Variants in RIMS1 observed in about 807,000 individuals in gnomAD.
The protein encoded by RIMS1 is regulating synaptic membrane exocytosis protein 1.
A neutral mutation model predicts 214.1 loss-of-function variants in RIMS1; 83 were observed. The ratio of observed to expected loss-of-function variants is 0.39; its 90% confidence interval spans 0.32 to 0.47. The LOEUF is 0.47. Ranked by LOEUF, RIMS1 falls within the 20% of genes least tolerant of loss-of-function variation. RIMS1 has a pLI of 0.99. For synonymous variants in RIMS1, 793 were observed against 786.8 expected (o/e 1.01, Z -0.13); for missense variants, 2,050 against 2,161.8 (o/e 0.95, Z 1.03).
intron 1 of RIMS1, among the ~76,000 whole-genome samples, chr6:71,965,195 A>G (rs1006029659): frequency 6.6e-6 from 1 of 152,146 alleles, no homozygotes; most frequent in East Asian, 1.9e-4. Flanking sequence ...CCTATAGTCT[A>G]CTATTTGGCC....
At chr6:71,891,628 A>G (rs1769912047) in intron 1 of RIMS1, among the ~76,000 whole-genome samples, 1 of 152,230 alleles carries the variant, frequency 6.6e-6, no homozygotes, top group Admixed American at 6.5e-5. Flanking sequence ...GGATGAGGAT[A>G]GCGTTCCTAT....
chr6:72,083,069 A>G (rs1018693071), intron 2 of RIMS1, among the ~76,000 whole-genome samples: 2 of 152,174 alleles, frequency 1.3e-5, no homozygotes, highest in Admixed American at 1.3e-4. Flanking sequence ...ATAGTTTTTC[A>G]CCTAAAAGAA....
chr6:72,264,431 G>A (rs746532011), intron 19 of RIMS1, among the ~76,000 whole-genome samples: 35 of 152,096 alleles, frequency 2.3e-4, no homozygotes, highest in Non-Finnish European at 4.4e-4. Flanking sequence ...GACAGAAGCT[G>A]ATAAGTAGAA....
chr6:72,375,369 T>C (rs1461454877), intron 29 of RIMS1, among the ~76,000 whole-genome samples: 2 of 152,244 alleles, frequency 1.3e-5, no homozygotes, highest in Non-Finnish European at 2.9e-5. Context: ...TTGATACTTT[T>C]TTTCTCCTCT....
rs1451863511 is a variant in RIMS1 at position 72,004,811 on chromosome 6, T to G, written c.245+35748T>G. Among the ~76,000 whole-genome samples the G allele has an allele frequency of 4.6e-5, 7 of 151,526 alleles. No individual in the cohort carries two copies. The South Asian group carries it at 8.3e-4, about 18-fold the overall frequency. On this transcript the variant is annotated intron_variant, in intron 2 of 33. Transcript: ENST00000521978. ...GTAGGTTGTGAAAATTTTCTCCCATTCTGTAGGTTGCCTGTTCACTCTGAT... is the reference window on the plus strand; with the variant it reads ...GTAGGTTGTGAAAATTTTCTCCCATGCTGTAGGTTGCCTGTTCACTCTGAT...
At position 72,401,223 on chromosome 6, in the gene RIMS1, T is replaced by C. The variant is rs189101388; in HGVS notation, c.*509T>C. 2 of 152,412 alleles carry C rather than the reference T, an allele frequency of 1.3e-5. No homozygotes were observed. Among genetic ancestry groups the C allele is most frequent in the Admixed American group, 1.3e-4 (2 of 14,992 alleles). The allele number at this position is 152,412 out of a possible 1,614,324, so 9.4% of individuals were successfully genotyped here. Reference sequence around the variant, plus strand: ...TCACCACATCTGTTATTTCCACTAGTTTTTTTTTGGCTGTGTCATGACAGG... The same window carrying C: ...TCACCACATCTGTTATTTCCACTAGCTTTTTTTTGGCTGTGTCATGACAGG... On this transcript the variant is annotated 3_prime_UTR_variant, in exon 34 of 34. Coordinates refer to ENST00000521978, the MANE Select transcript of RIMS1 (RefSeq NM_014989.7).
chr6:72,307,139 G>A, intron 26 of RIMS1, 119 bp from the exon 27 acceptor site: 2 of 662,508 alleles, frequency 3.0e-6, no homozygotes, highest in Non-Finnish European at 5.4e-6. Context: ...TATTAATCAT[G>A]TGTTATTTCT....
chr6:72,108,045 G>T (rs903929450), intron 4 of RIMS1, among the ~76,000 whole-genome samples: 5 of 152,102 alleles, frequency 3.3e-5, no homozygotes, highest in Admixed American at 6.6e-5. Flanking sequence ...TTGAGACAGG[G>T]TCTCATTCTG....
intron 6 of RIMS1, among the ~76,000 whole-genome samples, chr6:72,200,710 A>G (rs976650183): frequency 6.6e-6 from 1 of 152,212 alleles, no homozygotes; most frequent in African/African-American, 2.4e-5. Context: ...AAAAGGAGAC[A>G]TATGACTTGG....
chr6:72,212,038 A>G (rs979000503), intron 6 of RIMS1, among the ~76,000 whole-genome samples: 3 of 152,164 alleles, frequency 2.0e-5, no homozygotes, highest in African/African-American at 4.8e-5. Context: ...TATGAAATAT[A>G]GGCAAATGCA....
intron 23 of RIMS1, among the ~76,000 whole-genome samples, chr6:72,278,586 A>G (rs2088065115): frequency 6.6e-6 from 1 of 152,158 alleles, no homozygotes; most frequent in Admixed American, 6.5e-5. Flanking sequence ...CCACTTATAA[A>G]TAAATACAGT....
At chr6:71,956,941 C>T (rs1189761730) in intron 1 of RIMS1, among the ~76,000 whole-genome samples, 1 of 152,126 alleles carries the variant, frequency 6.6e-6, no homozygotes, top group Non-Finnish European at 1.5e-5. Context: ...GAAGTCTTTG[C>T]TTTAAAAGCT....
intron 28 of RIMS1, among the ~76,000 whole-genome samples, chr6:72,327,474 T>A (rs974133936): frequency 1.3e-5 from 2 of 151,848 alleles, no homozygotes; most frequent in East Asian, 1.9e-4. Flanking sequence ...AATTTTGATA[T>A]GAATAGTTCA....
chr6:72,106,934 C>T (rs1257929663), intron 4 of RIMS1, among the ~76,000 whole-genome samples: 1 of 152,174 alleles, frequency 6.6e-6, no homozygotes, highest in Non-Finnish European at 1.5e-5. Flanking sequence ...CTACTAACTT[C>T]TCTTAGTATA....
intron 2 of RIMS1, among the ~76,000 whole-genome samples, chr6:71,972,655 C>CTGGAGTTCAA (rs1301128053): frequency 1.3e-5 from 2 of 152,058 alleles, no homozygotes; most frequent in African/African-American, 4.8e-5. Context: ...CAAGATATTA[C>CTGGAGTTCAA]TGGAGTTCAA....
intron 1 of RIMS1, among the ~76,000 whole-genome samples, chr6:71,928,660 T>G (rs1048426003): frequency 2.0e-5 from 3 of 152,140 alleles, no homozygotes; most frequent in African/African-American, 7.2e-5. Context: ...AATACTTTTT[T>G]TCTTCATCAA....
At chr6:72,329,680 G>C (rs1165554402) in intron 28 of RIMS1, among the ~76,000 whole-genome samples, 2 of 151,710 alleles carry the variant, frequency 1.3e-5, no homozygotes, top group Non-Finnish European at 2.9e-5. Context: ...CAATGCACAA[G>C]CATGTTAGGG....
At chr6:72,289,651 C>A (rs2093017426) in intron 24 of RIMS1, among the ~76,000 whole-genome samples, 1 of 152,040 alleles carries the variant, frequency 6.6e-6, no homozygotes, top group African/African-American at 2.4e-5. Context: ...CTATAAAAAT[C>A]ATTTTACTTA....
intron 2 of RIMS1, among the ~76,000 whole-genome samples, chr6:71,970,256 G>A (rs554605985): frequency 7.9e-5 from 12 of 152,208 alleles, no homozygotes; most frequent in East Asian, 7.7e-4. Flanking sequence ...TTTAAATGAT[G>A]TTGTCATTTT....
Sources: allele counts gnomAD v4.1 joint callset (sites outside exome capture counted in the v4.1 genomes callset), GRCh38; gene constraint gnomAD v4.1.1; transcripts MANE v1.5; gene names NCBI Gene and HGNC (gene_info 2026-07-23, HGNC 2026-07-21).